The following RARB variants were observed in gnomAD, a reference collection of about 807,000 sequenced individuals.
The protein encoded by RARB is retinoic acid receptor beta, also known as HBV-activated protein.
RARB carries 17 observed loss-of-function variants against 51.9 expected under a neutral mutation model. That is an observed-to-expected ratio of 0.33 (90% CI 0.22 to 0.49). The LOEUF (loss-of-function observed/expected upper bound fraction) is 0.49, where lower values mean the gene tolerates loss of function less well. Among genes scored for constraint, RARB ranks in the 20% least tolerant of loss-of-function variants. The pLI, the probability that RARB is intolerant of heterozygous loss-of-function variation, is 0.99. For synonymous variants in RARB, 215 were observed against 195.4 expected (o/e 1.10, Z -0.84); for missense variants, 369 against 550.8 (o/e 0.67, Z 3.30).
At chr3:25,477,497 A>G (rs891427355) in intron 2 of RARB, among the ~76,000 whole-genome samples, 4 of 152,256 alleles carry the variant, frequency 2.6e-5, no homozygotes, top group African/African-American at 9.6e-5. Context: ...GTCATATACA[A>G]CAGTGAAATA....
At chr3:25,044,997 C>G (rs893571543) in intron 2 of RARB, among the ~76,000 whole-genome samples, 1 of 151,996 alleles carries the variant, frequency 6.6e-6, no homozygotes, top group Non-Finnish European at 1.5e-5. Context: ...TTTTTTTGTT[C>G]TACTTGGAGG....
intron 4 of RARB, among the ~76,000 whole-genome samples, chr3:25,142,407 A>G (rs1700121852): frequency 6.6e-6 from 1 of 152,164 alleles, no homozygotes; most frequent in Non-Finnish European, 1.5e-5. Context: ...CATTTTAACA[A>G]GACCCCCAAG....
intron 5 of RARB, among the ~76,000 whole-genome samples, chr3:25,184,250 A>G (rs1700924973): frequency 6.6e-6 from 1 of 152,100 alleles, no homozygotes; most frequent in Non-Finnish European, 1.5e-5. Context: ...ATCCTTTGCC[A>G]AATGCCCATA....
chr3:25,323,202 AAC>A (rs1704621500), intron 5 of RARB, among the ~76,000 whole-genome samples: 1 of 152,232 alleles, frequency 6.6e-6, no homozygotes, highest in Non-Finnish European at 1.5e-5. Flanking sequence ...GGGCCCAGCC[AAC>A]ACACAGCATC....
At chr3:25,221,367 T>C (rs1255344602) in intron 5 of RARB, among the ~76,000 whole-genome samples, 1 of 152,240 alleles carries the variant, frequency 6.6e-6, no homozygotes, top group Non-Finnish European at 1.5e-5. Context: ...ATGTCTTACA[T>C]AACACAGGTT....
intron 1 of RARB, among the ~76,000 whole-genome samples, chr3:24,854,763 C>T (rs1333026747): frequency 6.6e-6 from 1 of 152,142 alleles, no homozygotes; most frequent in African/African-American, 2.4e-5. Flanking sequence ...GGTGGCTCCC[C>T]CACCCCAGCT....
At chr3:25,314,083 A>T (rs1704355872) in intron 5 of RARB, among the ~76,000 whole-genome samples, 1 of 152,150 alleles carries the variant, frequency 6.6e-6, no homozygotes, top group Admixed American at 6.5e-5. Flanking sequence ...CAACAAAAAA[A>T]AATTAATTAA....
chr3:25,177,095 T>C (rs986841755), intron 5 of RARB, among the ~76,000 whole-genome samples: 1 of 152,208 alleles, frequency 6.6e-6, no homozygotes, highest in East Asian at 1.9e-4. Context: ...ACTTACTTCA[T>C]ACCCTAATAC....
intron 3 of RARB, among the ~76,000 whole-genome samples, chr3:25,063,683 G>C (rs77438267): frequency 6.6e-6 from 1 of 151,520 alleles, no homozygotes; most frequent in Non-Finnish European, 1.5e-5. Context: ...GGTTCAAAGG[G>C]GTCCGTAGAC....
At chr3:24,883,156 C>T (rs1332193976) in intron 2 of RARB, among the ~76,000 whole-genome samples, 2 of 152,110 alleles carry the variant, frequency 1.3e-5, no homozygotes, top group Non-Finnish European at 2.9e-5. Context: ...TTTAAAAAAT[C>T]CCCTTTATTT....
chr3:25,390,734 T>G (rs898031918), intron 5 of RARB, among the ~76,000 whole-genome samples: 1 of 152,170 alleles, frequency 6.6e-6, no homozygotes, highest in Non-Finnish European at 1.5e-5. Context: ...ATTACTCTTT[T>G]GGGATATTTC....
intron 5 of RARB, among the ~76,000 whole-genome samples, chr3:25,581,621 C>A (rs1701180855): frequency 6.6e-6 from 1 of 152,200 alleles, no homozygotes; most frequent in Non-Finnish European, 1.5e-5. Context: ...TGCATCCTCC[C>A]AAAATGTATA....
intron 5 of RARB, among the ~76,000 whole-genome samples, chr3:25,404,592 C>G (rs1707355716): frequency 1.3e-5 from 2 of 152,108 alleles, no homozygotes; most frequent in Non-Finnish European, 2.9e-5. Flanking sequence ...AGTAGGTGCT[C>G]AAACATTTTT....
intron 2 of RARB, among the ~76,000 whole-genome samples, chr3:25,041,513 A>C (rs1698113876): frequency 6.6e-6 from 1 of 151,730 alleles, no homozygotes; most frequent in Non-Finnish European, 1.5e-5. Flanking sequence ...ATTAGGGAAC[A>C]TAGTTGAGAG....
At chr3:25,453,128 C>G (rs1172401445) in intron 1 of RARB, among the ~76,000 whole-genome samples, 1 of 151,438 alleles carries the variant, frequency 6.6e-6, no homozygotes, top group Non-Finnish European at 1.5e-5. Context: ...AGGACAATAA[C>G]AAGACATTTT....
At chr3:25,499,912 A>G (rs144486195) in intron 2 of RARB, among the ~76,000 whole-genome samples, 25 of 152,340 alleles carry the variant, frequency 1.6e-4, no homozygotes, top group Middle Eastern at 6.8e-3. Context: ...TTTTGCACCT[A>G]CACTAGACAA....
intron 5 of RARB, among the ~76,000 whole-genome samples, chr3:25,367,832 AAC>A (rs1491157515): frequency 1.3e-5 from 2 of 149,582 alleles, no homozygotes; most frequent in African/African-American, 5.1e-5. Context: ...AAAAAACAAA[AAC>A]AAAACAAAAG....
In RARB at chr3:25,373,180, G is replaced by A. The variant is rs181445059; in HGVS notation, c.179-88013G>A. Reference sequence around the variant, plus strand: ...AAGTCTAGAGTTGAGGAGGATGCTCGGAGCTAGAGATAAAATTGTTGAAGT... The same window carrying A: ...AAGTCTAGAGTTGAGGAGGATGCTCAGAGCTAGAGATAAAATTGTTGAAGT... On this transcript the variant is annotated intron_variant, in intron 5 of 11. Coordinates refer to the RARB transcript ENST00000383772. 8.9e-4 allele frequency among the ~76,000 whole-genome samples: 135 copies of A among 152,288 alleles called. 2 individuals carry two copies. Among genetic ancestry groups the A allele is most frequent in the Admixed American group, 2.1e-3 (32 of 15,300 alleles).
At chr3:25,554,519 G>A (rs905058859) in intron 3 of RARB, among the ~76,000 whole-genome samples, 2 of 151,992 alleles carry the variant, frequency 1.3e-5, no homozygotes, top group Admixed American at 6.6e-5. Context: ...CAAAAACTGG[G>A]AAGGCCCAAA....
Sources: allele counts gnomAD v4.1 joint callset (sites outside exome capture counted in the v4.1 genomes callset), GRCh38; gene constraint gnomAD v4.1.1; transcripts MANE v1.5; gene names NCBI Gene and HGNC (gene_info 2026-07-23, HGNC 2026-07-21).